PTPN14: variants seen among roughly 807,000 people sequenced by gnomAD.
PTPN14 encodes tyrosine-protein phosphatase non-receptor type 14.
In PTPN14, 53 loss-of-function variants were observed where a neutral mutation model predicts 126.8. That is an observed-to-expected ratio of 0.42 (90% CI 0.34 to 0.53). The LOEUF (loss-of-function observed/expected upper bound fraction) is 0.53. Among genes scored for constraint, PTPN14 ranks in the 20% least tolerant of loss-of-function variants. The pLI is 0.08. For synonymous variants in PTPN14, 630 were observed against 599.3 expected (o/e 1.05, Z -0.75); for missense variants, 1,257 against 1,552.9 (o/e 0.81, Z 3.20).
chr1:214,398,613 ATT>A (rs56339386), intron 7 of PTPN14, among the ~76,000 whole-genome samples: 55 of 108,888 alleles, frequency 5.1e-4, no homozygotes, highest in African/African-American at 1.5e-3. Context: ...TGCCCTGCTA[ATT>A]TTTTTTTTTT....
At chr1:214,526,351 T>C (rs1416942859) in intron 1 of PTPN14, among the ~76,000 whole-genome samples, 1 of 152,106 alleles carries the variant, frequency 6.6e-6, no homozygotes, top group Non-Finnish European at 1.5e-5. Context: ...AGTATACACA[T>C]ACCAACAGTA....
intron 1 of PTPN14, among the ~76,000 whole-genome samples, chr1:214,471,415 C>T (rs1273136361): frequency 6.6e-6 from 1 of 152,164 alleles, no homozygotes; most frequent in East Asian, 1.9e-4. Flanking sequence ...AGTCTACTCA[C>T]TTATGAAGTT....
chr1:214,479,656 A>G (rs905360733), intron 1 of PTPN14, among the ~76,000 whole-genome samples: 6 of 152,126 alleles, frequency 3.9e-5, no homozygotes, highest in Non-Finnish European at 8.8e-5. Context: ...TATTATCCAA[A>G]AAAAACAAAC....
Position 214,352,660 on chromosome 1 carries a change from C to T in PTPN14, c.*5262G>A, listed in dbSNP as rs1657728146. ...AGAAGTATCAAATGCAGTTTAACATCTTACAGCTTTATTTCCACCCTATAG... is the reference window on the plus strand; with the variant it reads ...AGAAGTATCAAATGCAGTTTAACATTTTACAGCTTTATTTCCACCCTATAG... On this transcript the variant is annotated 3_prime_UTR_variant, in exon 19 of 19. Coordinates refer to ENST00000366956, the MANE Select transcript of PTPN14 (RefSeq NM_005401.5). The T allele has an allele frequency of 6.6e-6, 1 of 152,214 alleles. No homozygotes were observed. Among genetic ancestry groups the T allele is most frequent in the African/African-American group, 2.4e-5 (1 of 41,450 alleles). The allele number at this position is 152,214 out of a possible 1,614,324, so 9.4% of individuals were successfully genotyped here. A position where few individuals can be genotyped will look rare whatever the true frequency, so the allele number is the denominator to read the frequency against.
At chr1:214,428,066 G>T (rs1262841850) in intron 3 of PTPN14, among the ~76,000 whole-genome samples, 2 of 152,206 alleles carry the variant, frequency 1.3e-5, no homozygotes, top group African/African-American at 4.8e-5. Context: ...CAAAGGAGCT[G>T]CATAAACAGG....
chr1:214,425,739 T>G (rs912948929), intron 3 of PTPN14, among the ~76,000 whole-genome samples: 4 of 152,204 alleles, frequency 2.6e-5, no homozygotes, highest in Non-Finnish European at 5.9e-5. Flanking sequence ...TTTTTATCAA[T>G]TTCTCTAGAT....
intron 1 of PTPN14, among the ~76,000 whole-genome samples, chr1:214,541,182 T>TC (rs1188429146): frequency 1.3e-5 from 2 of 151,800 alleles, no homozygotes; most frequent in Admixed American, 6.6e-5. Context: ...AGATAAAACC[T>TC]CCAAAAAGGA....
At chr1:214,545,060 G>A (rs1474415618) in intron 1 of PTPN14, among the ~76,000 whole-genome samples, 1 of 152,138 alleles carries the variant, frequency 6.6e-6, no homozygotes, top group Non-Finnish European at 1.5e-5. Context: ...AGGGGCGCTA[G>A]CACAGATAGA....
At position 214,384,067 on chromosome 1, in the gene PTPN14, G is replaced by A; in HGVS notation, c.1788C>T (p.Asp596=). Reference sequence around the variant, plus strand: ...AGAGCTGCACCTTCCGGGTCACCAGGTCCGGGCTGCTGCCGCTGACGTACT... The same window carrying A: ...AGAGCTGCACCTTCCGGGTCACCAGATCCGGGCTGCTGCCGCTGACGTACT... ...RHKYVSGSSP[D]LVTRKVQLSV... is the part of the protein sequence containing the mutation. The change falls in exon 13 of 19, where the codon GAC becomes GAT. Residue 596 remains aspartate (D), a synonymous_variant. Transcript: ENST00000366956. This position sits in a 1 kb window ranked among gnomAD's most constrained non-coding sequence, Gnocchi z 5.3. 1 of 1,580,836 alleles carries A rather than the reference G, an allele frequency of 6.3e-7. No individual in the cohort carries two copies. The highest frequency in any genetic ancestry group is 8.6e-7 in the Non-Finnish European group (1 of 1,166,146).
intron 1 of PTPN14, among the ~76,000 whole-genome samples, chr1:214,493,484 G>C (rs1558128370): frequency 6.6e-6 from 1 of 152,028 alleles, no homozygotes; most frequent in African/African-American, 2.4e-5. Context: ...TATCAAAATA[G>C]CTCATGTGCT....
At chr1:214,535,076 AG>A (rs1203988831) in intron 1 of PTPN14, among the ~76,000 whole-genome samples, 2 of 152,234 alleles carry the variant, frequency 1.3e-5, no homozygotes, top group African/African-American at 2.4e-5. Flanking sequence ...AATAAAAAAT[AG>A]GTAGACACAA....
intron 13 of PTPN14, among the ~76,000 whole-genome samples, chr1:214,381,991 G>T (rs61821368): frequency 1.2e-4 from 18 of 150,694 alleles, no homozygotes; most frequent in Non-Finnish European, 1.8e-4. Flanking sequence ...AGCAACCTCC[G>T]CCTTGTGGGT....
At chr1:214,452,040 AC>A in intron 2 of PTPN14, 66 bp from the exon 3 acceptor site, 1 of 1,518,366 alleles carries the variant, frequency 6.6e-7, no homozygotes, top group Non-Finnish European at 8.9e-7. Context: ...CACACAAGAA[AC>A]GAGACTCCAG....
At chr1:214,490,510 T>C (rs1427202555) in intron 1 of PTPN14, among the ~76,000 whole-genome samples, 1 of 152,124 alleles carries the variant, frequency 6.6e-6, no homozygotes, top group African/African-American at 2.4e-5. Flanking sequence ...ATGAGAATAC[T>C]GTGGAAGATG....
chr1:214,434,860 C>T (rs114015280), intron 3 of PTPN14, among the ~76,000 whole-genome samples: 2,267 of 152,196 alleles, frequency 0.015, 57 homozygotes, highest in African/African-American at 0.052. Context: ...AAAGCACATG[C>T]CTGGACTTCT....
intron 10 of PTPN14, among the ~76,000 whole-genome samples, chr1:214,392,213 A>G (rs1658771657): frequency 6.6e-6 from 1 of 152,120 alleles, no homozygotes; most frequent in Non-Finnish European, 1.5e-5. Context: ...AGAGAGCGAG[A>G]GAGAGTATAA....
At position 214,433,951 on chromosome 1, in the gene PTPN14, CAAAAAAAAAAA is replaced by C. The variant is rs1158472144; in HGVS notation, c.344+17843_344+17853del. On this transcript the variant is annotated intron_variant, in intron 3 of 18. Coordinates refer to ENST00000366956, the MANE Select transcript of PTPN14 (RefSeq NM_005401.5). Reference sequence around the variant, plus strand: ...ACACACACACACACACACACACACACAAAAAAAAAAAAAAAAAAAAACTCAAAAAATTTAGC... The same window carrying C: ...ACACACACACACACACACACACACACAAAAAAAAAACTCAAAAAATTTAGC... Among the ~76,000 whole-genome samples, 296 of 98,558 alleles carry C rather than the reference CAAAAAAAAAAA, an allele frequency of 3.0e-3. 2 individuals are homozygous for C. The highest frequency in any genetic ancestry group is 0.019 in the East Asian group (52 of 2,788). 64.7% of individuals were successfully genotyped at this position (98,558 alleles called of 152,430 possible).
intron 8 of PTPN14, among the ~76,000 whole-genome samples, chr1:214,395,912 A>T (rs900926541): frequency 4.6e-5 from 7 of 152,060 alleles, no homozygotes; most frequent in Admixed American, 1.3e-4. Context: ...TCCCTTCATC[A>T]TATCCCCCTA....
chr1:214,538,564 G>A (rs1655763976), intron 1 of PTPN14, among the ~76,000 whole-genome samples: 2 of 152,202 alleles, frequency 1.3e-5, no homozygotes, highest in Non-Finnish European at 2.9e-5. Context: ...CCATGGTGGA[G>A]AAAAGCTGTT....
Sources: allele counts gnomAD v4.1 joint callset (sites outside exome capture counted in the v4.1 genomes callset), GRCh38; gene constraint gnomAD v4.1.1; non-coding constraint Gnocchi (gnomAD v3.1); transcripts MANE v1.5; gene names NCBI Gene and HGNC (gene_info 2026-07-23, HGNC 2026-07-21).